Variants in WNT8B observed in about 807,000 individuals in gnomAD.
WNT8B encodes Wnt family member 8B.
A neutral mutation model predicts 36.6 loss-of-function variants in WNT8B; 24 were observed. That is an observed-to-expected ratio of 0.66 (90% CI 0.48 to 0.92). The LOEUF (loss-of-function observed/expected upper bound fraction) is 0.92. Ranked by LOEUF, WNT8B falls within the 40% of genes least tolerant of loss-of-function variation. The probability of loss-of-function intolerance (pLI) is 0.00; values close to 1 mark genes in which losing one functional copy is unlikely to be tolerated. For synonymous variants in WNT8B, 199 were observed against 189.8 expected, an observed-to-expected ratio of 1.05 and a Z score of -0.40; for missense variants, 402 against 470.8, an observed-to-expected ratio of 0.85 and a Z score of 1.35.
intron 1 of WNT8B, among the ~76,000 whole-genome samples, chr10:100,476,415 T>A (rs1013706697): frequency 1.3e-5 from 2 of 152,226 alleles, no homozygotes; most frequent in Non-Finnish European, 2.9e-5. Context: ...CCTCTTAGTT[T>A]GTTAATACTG....
At chr10:100,481,540 C>T (rs968802637) in intron 4 of WNT8B, among the ~76,000 whole-genome samples, 5 of 152,322 alleles carry the variant, frequency 3.3e-5, no homozygotes, top group African/African-American at 1.2e-4. Flanking sequence ...CCCCTCAATG[C>T]TCGAGCTTTC....
intron 1 of WNT8B, among the ~76,000 whole-genome samples, chr10:100,467,376 T>A (rs552696967): frequency 1.3e-5 from 2 of 152,176 alleles, no homozygotes; most frequent in Non-Finnish European, 2.9e-5. Context: ...CAGCACATTA[T>A]GGGGCTATAT....
rs1458315078 is a variant in WNT8B, at chr10:100,479,893, G to A, written c.122G>A (p.Ser41Asn). The A allele has an allele frequency of 1.2e-6, 2 of 1,614,032 alleles. No individual in the cohort carries two copies. The highest frequency in any genetic ancestry group is 1.7e-6 in the Non-Finnish European group (2 of 1,179,942). The change falls in exon 3 of 6, where the codon AGC (serine) becomes AAC (asparagine). Residue 41 changes from serine to asparagine, a missense_variant. Coordinates refer to ENST00000343737, the MANE Select transcript of WNT8B (RefSeq NM_003393.4). ...TGPKAYLIYS[S>N]SVAAGAQSGI... is the part of the protein sequence containing the mutation. ...CTACAGGCTTACCTGATTTACTCCAGCAGTGTGGCAGCTGGTGCCCAGAGT... is the reference window on the plus strand; with the variant it reads ...CTACAGGCTTACCTGATTTACTCCAACAGTGTGGCAGCTGGTGCCCAGAGT...
chr10:100,481,828 AC>A (rs1452246337), intron 4 of WNT8B, 83 bp from the exon 5 acceptor site: 6 of 1,354,066 alleles, frequency 4.4e-6, no homozygotes, highest in Non-Finnish European at 6.2e-6. Context: ...GGACCCCCCC[AC>A]CCCCAACCCA....
intron 2 of WNT8B, among the ~76,000 whole-genome samples, 196 bp from the exon 3 acceptor site, chr10:100,479,678 T>C (rs1004163609): frequency 1.4e-4 from 21 of 152,200 alleles, no homozygotes; most frequent in African/African-American, 5.1e-4. Context: ...GCTCACTCCC[T>C]GGGCCTCAGT....
At chr10:100,481,275 T>C in intron 4 of WNT8B, 152 bp downstream of exon 4, 1 of 1,110,488 alleles carries the variant, frequency 9.0e-7, no homozygotes, top group Non-Finnish European at 1.2e-6. Context: ...AGCCCTACAA[T>C]GACAAGCCAG....
rs549602289 is a variant in WNT8B at position 100,475,754 on chromosome 10, A to T, written c.69-3298A>T. Among the ~76,000 whole-genome samples the T allele has an allele frequency of 7.9e-5, 12 of 152,356 alleles. No homozygotes were observed. In the South Asian group the frequency reaches 2.5e-3, roughly 32 times the overall value. Reference sequence around the variant, plus strand: ...AATCTTTGAATGTTATTCCTAACATAAAAAGTGCCTTTCTGAGTGGGAACA... The same window carrying T: ...AATCTTTGAATGTTATTCCTAACATTAAAAGTGCCTTTCTGAGTGGGAACA... On this transcript the variant is annotated intron_variant, in intron 1 of 5. Transcript: ENST00000343737.
intron 3 of WNT8B, 74 bp downstream of exon 3, chr10:100,480,086 T>C (rs1851091270): frequency 1.3e-6 from 2 of 1,532,342 alleles, no homozygotes; most frequent in Non-Finnish European, 8.8e-7. Context: ...GCCCCTTGCC[T>C]CCTCGACACC....
Position 100,480,007 on chromosome 10 carries a change from G to A in WNT8B, c.236G>A (p.Arg79His), listed in dbSNP as rs1363072385. Reference sequence around the variant, plus strand: ...CAGCTGTCCAGCCATGGTGGGCTTCGCAGTGGTAAGAAAAACCTCAGCCAC... The same window carrying A: ...CAGCTGTCCAGCCATGGTGGGCTTCACAGTGGTAAGAAAAACCTCAGCCAC... Reference protein sequence around the residue: ...ALQLSSHGGLRSANRETAFVH... With the variant: ...ALQLSSHGGLHSANRETAFVH... The change falls in exon 3 of 6, where the codon CGC becomes CAC. Residue 79 changes from arginine (R) to histidine (H), a missense_variant. By Grantham distance (29) the Arg-to-His change is conservative. Coordinates refer to ENST00000343737, the MANE Select transcript of WNT8B (RefSeq NM_003393.4). The A allele has an allele frequency of 3.7e-6, 6 of 1,613,042 alleles. No individual in the cohort carries two copies. The highest frequency in any genetic ancestry group is 5.1e-6 in the Non-Finnish European group (6 of 1,179,784).
At chr10:100,464,558 T>G (rs922800304) in intron 1 of WNT8B, among the ~76,000 whole-genome samples, 1 of 152,146 alleles carries the variant, frequency 6.6e-6, no homozygotes, top group Non-Finnish European at 1.5e-5. Flanking sequence ...ACCTTTACTG[T>G]GTGTTCCCTT....
At chr10:100,468,896 A>G (rs1407873224) in intron 1 of WNT8B, among the ~76,000 whole-genome samples, 1 of 152,228 alleles carries the variant, frequency 6.6e-6, no homozygotes, top group East Asian at 1.9e-4. Flanking sequence ...ATTTTAATAT[A>G]CATTTTAATA....
intron 1 of WNT8B, among the ~76,000 whole-genome samples, chr10:100,467,254 G>A (rs1850916837): frequency 1.3e-5 from 2 of 152,062 alleles, no homozygotes; most frequent in African/African-American, 4.8e-5. Flanking sequence ...TTTTCTCCAA[G>A]CCAAGAGAAA....
At chr10:100,467,639 A>G (rs917381347) in intron 1 of WNT8B, among the ~76,000 whole-genome samples, 3 of 152,220 alleles carry the variant, frequency 2.0e-5, no homozygotes, top group Non-Finnish European at 4.4e-5. Flanking sequence ...TAGTGAATCA[A>G]TAGATTGTCC....
At position 100,482,082 on chromosome 10, in the gene WNT8B, C is replaced by T. The variant is rs528641297; in HGVS notation, c.510+28C>T. The T allele has an allele frequency of 5.5e-5, 89 of 1,613,356 alleles. No individual in the cohort carries two copies. The highest frequency in any genetic ancestry group is 7.4e-5 in the Non-Finnish European group (87 of 1,179,570). ...GAGTCCCGCAGCCCTTGGAAATAGGCAGCTGCTGGCTATATCCACTACCAG... is the reference window on the plus strand; with the variant it reads ...GAGTCCCGCAGCCCTTGGAAATAGGTAGCTGCTGGCTATATCCACTACCAG... On this transcript the variant is annotated intron_variant, in intron 5 of 5. Coordinates refer to ENST00000343737, the MANE Select transcript of WNT8B (RefSeq NM_003393.4). The surrounding 1 kb of genome is among the most constrained non-coding windows in gnomAD (Gnocchi z 6.6).
chr10:100,463,274 G>C (rs1261887335), intron 1 of WNT8B, 38 bp downstream of exon 1: 2 of 1,576,978 alleles, frequency 1.3e-6, no homozygotes, highest in South Asian at 2.2e-5. Context: ...CTGGGAATAG[G>C]TAAGTGTATG....
intron 1 of WNT8B, among the ~76,000 whole-genome samples, chr10:100,478,066 G>A (rs58854284): frequency 2.0e-5 from 3 of 151,894 alleles, no homozygotes; most frequent in Non-Finnish European, 4.4e-5. Context: ...TTATGGGCGT[G>A]AGCCACTGTG....
intron 1 of WNT8B, among the ~76,000 whole-genome samples, chr10:100,469,319 T>C (rs1850948275): frequency 6.6e-6 from 1 of 152,332 alleles, no homozygotes; most frequent in Non-Finnish European, 1.5e-5. Context: ...TGTGTTCTAT[T>C]GCCATACTTA....
At chr10:100,468,493 G>T (rs1850936232) in intron 1 of WNT8B, among the ~76,000 whole-genome samples, 1 of 152,228 alleles carries the variant, frequency 6.6e-6, no homozygotes, top group Admixed American at 6.5e-5. Flanking sequence ...TTCTGGGAAT[G>T]GTGGCTTGAG....
At chr10:100,474,865 GTCTTT>G (rs1306515189) in intron 1 of WNT8B, among the ~76,000 whole-genome samples, 1 of 151,852 alleles carries the variant, frequency 6.6e-6, no homozygotes, top group Non-Finnish European at 1.5e-5. Flanking sequence ...ACCCAGCTGA[GTCTTT>G]TCTTAATATA....
Sources: allele counts gnomAD v4.1 joint callset (sites outside exome capture counted in the v4.1 genomes callset), GRCh38; gene constraint gnomAD v4.1.1; non-coding constraint Gnocchi (gnomAD v3.1); transcripts MANE v1.5; gene names NCBI Gene and HGNC (gene_info 2026-07-23, HGNC 2026-07-21).